The following NEK10 variants were observed in gnomAD, a reference collection of about 807,000 sequenced individuals.
NEK10 encodes the protein serine/threonine-protein kinase Nek10.
Under a neutral mutation model 159.8 loss-of-function variants are expected in NEK10, and 122 were observed. That is an observed-to-expected ratio of 0.76 (90% confidence interval 0.66 to 0.89). The LOEUF is 0.89. NEK10 is among the 40% of genes least tolerant of loss of function. The pLI is 0.00. For missense variants in NEK10, 1,342 were observed against 1,323.1 expected (o/e 1.01, Z -0.22); for synonymous variants, 466 against 457.1 (o/e 1.02, Z -0.25).
In NEK10 at chr3:27,107,552, G is replaced by A. The variant is rs887817294; in HGVS notation, c.*3720C>T. On this transcript the variant is annotated 3_prime_UTR_variant, in exon 36 of 36. Coordinates refer to ENST00000691995, the MANE Select transcript of NEK10 (RefSeq NM_001394966.1). ...ATTTAATCTCAAAGATATCATGTAA[G>A]TATATATGAAATTCATTTATTACAT... 2.0e-5 allele frequency among the ~76,000 whole-genome samples: 3 copies of A among 152,146 alleles called. No homozygotes were observed. The highest frequency in any genetic ancestry group is 7.2e-5 in the African/African-American group (3 of 41,430).
At chr3:27,185,685 T>G (rs1003900226) in intron 26 of NEK10, among the ~76,000 whole-genome samples, 4 of 152,224 alleles carry the variant, frequency 2.6e-5, no homozygotes, top group Admixed American at 2.6e-4. Context: ...TCACATTTTG[T>G]GCAGGACTGT....
chr3:27,192,978 A>T (rs1949244281), intron 25 of NEK10, among the ~76,000 whole-genome samples: 1 of 152,170 alleles, frequency 6.6e-6, no homozygotes, highest in African/African-American at 2.4e-5. Flanking sequence ...TATTAGTCAG[A>T]TCCTGGGCAA....
intron 30 of NEK10, among the ~76,000 whole-genome samples, chr3:27,148,798 C>A (rs1944550650): frequency 6.6e-6 from 1 of 152,112 alleles, no homozygotes; most frequent in Admixed American, 6.5e-5. Flanking sequence ...GCCTTTCCTC[C>A]CAGGCAGAAA....
chr3:27,163,055 T>C (rs573216912), intron 29 of NEK10, among the ~76,000 whole-genome samples: 15 of 152,212 alleles, frequency 9.9e-5, no homozygotes, highest in Middle Eastern at 3.4e-3. Context: ...TAAAAGGATA[T>C]AAGATTTAAA....
At chr3:27,286,545 C>CTTTTT (rs36101281) in intron 20 of NEK10, among the ~76,000 whole-genome samples, 10,996 of 64,808 alleles carry the variant, frequency 0.17, 1,944 homozygotes, top group Non-Finnish European at 0.2. Context: ...CCACGCCCAG[C>CTTTTT]TTTTTTTTTT....
intron 22 of NEK10, among the ~76,000 whole-genome samples, chr3:27,259,259 T>C (rs2040182315): frequency 6.6e-6 from 1 of 152,230 alleles, no homozygotes; most frequent in Admixed American, 6.5e-5. Context: ...TTTGTTGCCA[T>C]TGCTTTTGGT....
intron 19 of NEK10, 49 bp downstream of exon 19, chr3:27,290,568 A>G (rs148536660): frequency 9.4e-6 from 13 of 1,379,968 alleles, no homozygotes; most frequent in African/African-American, 7.3e-5. Flanking sequence ...CTTTCTTGCA[A>G]TGACATGTAT....
chr3:27,365,617 T>TTG (rs2049016776), intron 1 of NEK10, among the ~76,000 whole-genome samples: 1 of 134,262 alleles, frequency 7.4e-6, no homozygotes, highest in Admixed American at 7.4e-5. Flanking sequence ...TGTGTTTTTT[T>TTG]TTTTTTTTTT....
intron 20 of NEK10, among the ~76,000 whole-genome samples, chr3:27,285,723 C>T (rs481519): frequency 0.64 from 96,776 of 151,956 alleles, 33,091 homozygotes; most frequent in African/African-American, 0.91. Flanking sequence ...CTTTTGAAAC[C>T]TTGGGATGTA....
rs201569175 is a variant in NEK10, at chr3:27,285,545, C to A, written c.1790-584G>T. 4.0e-3 allele frequency among the ~76,000 whole-genome samples: 577 copies of A among 145,910 alleles called. 4 individuals are homozygous for A. Among genetic ancestry groups the A allele is most frequent in the East Asian group, 0.031 (152 of 4,878 alleles). ...AAAAAAAAAAAAACAAACAAACAAA[C>A]AAAAAAAAACAAAACTGGACTTCTC... On this transcript the variant is annotated intron_variant, in intron 20 of 35. Coordinates refer to ENST00000691995, the MANE Select transcript of NEK10 (RefSeq NM_001394966.1).
At chr3:27,130,569 A>G (rs1031878743) in intron 32 of NEK10, among the ~76,000 whole-genome samples, 2 of 152,210 alleles carry the variant, frequency 1.3e-5, no homozygotes, top group Non-Finnish European at 2.9e-5. Context: ...TATGTCTCAG[A>G]CAGTTTGTAG....
chr3:27,199,417 A>T (rs1575206804), intron 25 of NEK10, among the ~76,000 whole-genome samples: 1 of 152,360 alleles, frequency 6.6e-6, no homozygotes, highest in East Asian at 1.9e-4. Context: ...ATACCATCTT[A>T]TACCAGTCAG....
At chr3:27,147,802 T>G (rs1334111821) in intron 30 of NEK10, among the ~76,000 whole-genome samples, 2 of 152,228 alleles carry the variant, frequency 1.3e-5, no homozygotes, top group African/African-American at 4.8e-5. Context: ...ATCATTTTAT[T>G]GCCCTATAGA....
chr3:27,236,026 A>G (rs1162003048), intron 23 of NEK10, among the ~76,000 whole-genome samples: 2 of 152,196 alleles, frequency 1.3e-5, no homozygotes, highest in Non-Finnish European at 2.9e-5. Context: ...GGAGGCCATT[A>G]TCATTAGCAA....
intron 7 of NEK10, 101 bp downstream of exon 7, chr3:27,314,196 T>G (rs949230712): frequency 3.7e-6 from 3 of 801,212 alleles, no homozygotes; most frequent in African/African-American, 3.4e-5. Flanking sequence ...GCAGACAGCA[T>G]AACATAGGAA....
chr3:27,284,694 G>A lies in NEK10; in HGVS notation c.1922C>T (p.Ala641Val). ...LWKIFIQLCL[A>V]LRYLHKEKRI... ...CTTCTCCTTGTGTAAGTATCGAAGAGCTAAGCACAGCTTGAAACAATGAAT... is the reference window on the plus strand; with the variant it reads ...CTTCTCCTTGTGTAAGTATCGAAGAACTAAGCACAGCTTGAAACAATGAAT... The change falls in exon 22 of 36, where the codon GCT becomes GTT. Residue 641 changes from alanine (A) to valine (V), a missense_variant. By Grantham distance (64) the Ala-to-Val change is moderately conservative. Coordinates refer to ENST00000691995, the MANE Select transcript of NEK10 (RefSeq NM_001394966.1). 1 of 1,605,548 alleles carries A rather than the reference G, an allele frequency of 6.2e-7. No individual in the cohort carries two copies. The highest frequency in any genetic ancestry group is 8.5e-7 in the Non-Finnish European group (1 of 1,172,378).
intron 23 of NEK10, among the ~76,000 whole-genome samples, chr3:27,243,736 GTTCTACCCTA>G (rs1041056678): frequency 9.9e-5 from 15 of 152,134 alleles, no homozygotes; most frequent in African/African-American, 3.4e-4. Context: ...GGAGGTCCCT[GTTCTACCCTA>G]CTTTCTATAT....
intron 22 of NEK10, among the ~76,000 whole-genome samples, chr3:27,264,501 AGTGT>A (rs1233221926): frequency 3.3e-4 from 51 of 152,332 alleles, no homozygotes; most frequent in Non-Finnish European, 2.2e-4. Context: ...AAAATCCATC[AGTGT>A]GAGTTCAATA....
chr3:27,211,503 A>T (rs557204978), intron 23 of NEK10, among the ~76,000 whole-genome samples: 1 of 152,332 alleles, frequency 6.6e-6, no homozygotes, highest in South Asian at 2.1e-4. Flanking sequence ...TTACTATTAT[A>T]GGTAAAAATG....
Sources: gnomAD v4.1 joint callset for allele counts (sites outside exome capture counted in the v4.1 genomes callset) on GRCh38, gnomAD v4.1.1 for gene constraint, MANE v1.5 for transcripts, NCBI Gene and HGNC (gene_info 2026-07-23, HGNC 2026-07-21) for gene names.